SORCS1: variants seen among roughly 807,000 people sequenced by gnomAD.
The protein encoded by SORCS1 is VPS10 domain-containing receptor SorCS1.
Under a neutral mutation model 146.1 loss-of-function variants are expected in SORCS1, and 60 were observed. The observed-to-expected ratio is 0.41, with a 90% CI of 0.33 to 0.51. The LOEUF is 0.51. SORCS1 is among the 20% of genes least tolerant of loss of function. SORCS1 has a pLI of 0.21. For missense variants in SORCS1, 1,352 were observed against 1,487.6 expected (o/e 0.91, Z 1.50); for synonymous variants, 637 against 584.0 (o/e 1.09, Z -1.31).
chr10:106,668,181 GT>G (rs1328416355), intron 16 of SORCS1, among the ~76,000 whole-genome samples: 2 of 152,180 alleles, frequency 1.3e-5, no homozygotes, highest in African/African-American at 4.8e-5. Flanking sequence ...TCATCGCAGA[GT>G]TTAACACGGC....
At chr10:107,071,658 T>G (rs1297790075) in intron 1 of SORCS1, among the ~76,000 whole-genome samples, 1 of 152,230 alleles carries the variant, frequency 6.6e-6, no homozygotes, top group African/African-American at 2.4e-5. Context: ...ACTGTACTTA[T>G]GAAAGCACCC....
At chr10:107,174,497 C>T in the SORCS1 span, among the ~76,000 whole-genome samples, 3 of 152,114 alleles carry the variant, frequency 2.0e-5, no homozygotes, top group Admixed American at 6.5e-5. Context: ...CATGAGCCAC[C>T]GCACCCGGCC....
chr10:106,938,389 T>A (rs975532060), intron 2 of SORCS1, among the ~76,000 whole-genome samples: 1 of 152,104 alleles, frequency 6.6e-6, no homozygotes, highest in African/African-American at 2.4e-5. Flanking sequence ...CCTGTAGAGT[T>A]TTATGTTTGG....
chr10:106,586,684 G>A (rs1252418417), intron 24 of SORCS1, among the ~76,000 whole-genome samples: 3 of 152,232 alleles, frequency 2.0e-5, no homozygotes, highest in Admixed American at 1.3e-4. Context: ...GGCCAGGCAT[G>A]GTGGCTCATG....
chr10:106,683,392 T>C (rs1852589695), intron 10 of SORCS1, among the ~76,000 whole-genome samples: 2 of 152,202 alleles, frequency 1.3e-5, no homozygotes, highest in South Asian at 4.1e-4. Flanking sequence ...TTCCATGAGT[T>C]TGATTGTTTT....
At chr10:107,090,854 C>T (rs942279429) in intron 1 of SORCS1, among the ~76,000 whole-genome samples, 1 of 152,018 alleles carries the variant, frequency 6.6e-6, no homozygotes, top group Non-Finnish European at 1.5e-5. Flanking sequence ...TAGAAAGAGA[C>T]GCTGTCAGAA....
At chr10:106,882,732 C>G (rs1950852767) in intron 2 of SORCS1, among the ~76,000 whole-genome samples, 1 of 152,030 alleles carries the variant, frequency 6.6e-6, no homozygotes, top group South Asian at 2.1e-4. Flanking sequence ...AAAAACAAAA[C>G]CAAAACAGTG....
At position 106,616,563 on chromosome 10, in the gene SORCS1, C is replaced by T. The variant is rs181871575; in HGVS notation, c.2920+1586G>A. Among the ~76,000 whole-genome samples the T allele has an allele frequency of 1.1e-3, 169 of 152,272 alleles. 1 individual carries two copies. The highest frequency in any genetic ancestry group is 3.9e-3 in the African/African-American group (164 of 41,554). ...AGAAGGGAAGAGAGGCAGACTTTGC[C>T]GCACTCTATACACAGCCACTGTTTG... On this transcript the variant is annotated intron_variant, in intron 21 of 25. Coordinates refer to ENST00000263054, the MANE Select transcript of SORCS1 (RefSeq NM_052918.5).
intron 3 of SORCS1, among the ~76,000 whole-genome samples, chr10:106,827,922 A>G (rs1948370912): frequency 6.6e-6 from 1 of 152,242 alleles, no homozygotes; most frequent in Admixed American, 6.5e-5. Context: ...AAAAGCCATA[A>G]ATTGTTAATG....
At chr10:106,775,184 G>A (rs957078388) in intron 4 of SORCS1, among the ~76,000 whole-genome samples, 2 of 152,104 alleles carry the variant, frequency 1.3e-5, no homozygotes, top group African/African-American at 2.4e-5. Context: ...TGGCATCGGT[G>A]GGGGGGAATT....
At chr10:107,009,089 T>C (rs1957579220) in intron 1 of SORCS1, among the ~76,000 whole-genome samples, 1 of 152,260 alleles carries the variant, frequency 6.6e-6, no homozygotes, top group Non-Finnish European at 1.5e-5. Flanking sequence ...GGAAGATTTG[T>C]TATTTGGTTA....
intron 2 of SORCS1, among the ~76,000 whole-genome samples, chr10:106,830,965 C>G (rs1948518472): frequency 6.6e-6 from 1 of 151,944 alleles, no homozygotes; most frequent in African/African-American, 2.4e-5. Context: ...GAGGCTGAGG[C>G]AGGCAGGTCA....
intron 2 of SORCS1, among the ~76,000 whole-genome samples, chr10:106,889,603 A>T (rs1273298787): frequency 1.3e-5 from 2 of 151,648 alleles, no homozygotes; most frequent in African/African-American, 4.9e-5. Context: ...TCTCTACTAA[A>T]CATACAAAAA....
intron 2 of SORCS1, among the ~76,000 whole-genome samples, chr10:106,900,860 G>A (rs753121089): frequency 6.6e-6 from 1 of 152,188 alleles, no homozygotes; most frequent in African/African-American, 2.4e-5. Flanking sequence ...AGATGAGGGA[G>A]CTGAGGCACA....
intron 3 of SORCS1, among the ~76,000 whole-genome samples, chr10:106,777,160 A>G (rs935076362): frequency 1.3e-5 from 2 of 152,110 alleles, no homozygotes; most frequent in Non-Finnish European, 2.9e-5. Context: ...CACTTCAATG[A>G]TTTCCTACGC....
chr10:107,091,208 A>G (rs938826984), intron 1 of SORCS1, among the ~76,000 whole-genome samples: 2 of 152,188 alleles, frequency 1.3e-5, no homozygotes, highest in Admixed American at 6.5e-5. Flanking sequence ...CTTCCTGCCT[A>G]TGCAACAGAG....
chr10:107,149,354 C>G (rs688650), intron 1 of SORCS1, among the ~76,000 whole-genome samples: 26,915 of 152,000 alleles, frequency 0.18, 2,610 homozygotes, highest in East Asian at 0.27. Context: ...GTGGAATATT[C>G]TATTGCATTT....
chr10:106,778,198 G>A (rs1057405423), intron 3 of SORCS1, among the ~76,000 whole-genome samples: 2 of 152,100 alleles, frequency 1.3e-5, no homozygotes, highest in African/African-American at 4.8e-5. Flanking sequence ...TATCCAGGAC[G>A]AATTTAAGGT....
intron 6 of SORCS1, among the ~76,000 whole-genome samples, chr10:106,714,416 T>C (rs1855218612): frequency 6.6e-6 from 1 of 152,068 alleles, no homozygotes; most frequent in African/African-American, 2.4e-5. Flanking sequence ...TACCAATTAG[T>C]AATATTATTC....
Sources: allele counts gnomAD v4.1 joint callset (sites outside exome capture counted in the v4.1 genomes callset), GRCh38; gene constraint gnomAD v4.1.1; transcripts MANE v1.5; gene names NCBI Gene and HGNC (gene_info 2026-07-23, HGNC 2026-07-21).